The following WIF1 variants were observed in gnomAD, a reference collection of about 807,000 sequenced individuals.
WIF1 encodes Wnt inhibitory factor 1.
A neutral mutation model predicts 53.5 loss-of-function variants in WIF1; 35 were observed. The observed-to-expected ratio is 0.65, with a 90% CI of 0.50 to 0.87. WIF1 has a LOEUF of 0.87. Ranked by LOEUF, WIF1 falls within the 40% of genes least tolerant of loss-of-function variation. The pLI, the probability that WIF1 is intolerant of heterozygous loss-of-function variation, is 0.00. For synonymous variants in WIF1, 171 were observed against 170.4 expected (o/e 1.00, Z -0.03); for missense variants, 467 against 476.8 (o/e 0.98, Z 0.19).
intron 8 of WIF1, 126 bp from the exon 9 acceptor site, chr12:65,055,339 T>A: frequency 1.0e-6 from 1 of 983,200 alleles, no homozygotes. Context: ...TTTTTTTTCC[T>A]AAGTCAGTCT....
intron 6 of WIF1, among the ~76,000 whole-genome samples, chr12:65,063,583 C>T (rs1277818620): frequency 6.6e-6 from 1 of 151,986 alleles, no homozygotes; most frequent in Non-Finnish European, 1.5e-5. Context: ...AAAAAAAAGT[C>T]CACAAAGCAA....
chr12:65,108,259 GAC>G (rs771882354), intron 2 of WIF1, among the ~76,000 whole-genome samples: 1 of 152,200 alleles, frequency 6.6e-6, no homozygotes, highest in East Asian at 1.9e-4. Flanking sequence ...TTTGGTGTTA[GAC>G]AGGACCTGAA....
Position 65,121,241 on chromosome 12 carries a change from C to T in WIF1, c.-50G>A. On this transcript the variant is annotated 5_prime_UTR_variant, in exon 1 of 10. Coordinates refer to ENST00000286574, the MANE Select transcript of WIF1 (RefSeq NM_007191.5). The stretch of plus-strand genomic sequence containing the variant: ...GGGAAAACTCCTCGTGCCGCACCTA[C>T]GCAACCTGGCGCCGTCAGATACTCT... The T allele has an allele frequency of 7.2e-7, 1 of 1,384,780 alleles. No homozygotes were observed. Among genetic ancestry groups the T allele is most frequent in the Non-Finnish European group, 9.4e-7 (1 of 1,059,714 alleles). 85.8% of individuals were successfully genotyped at this position (1,384,780 alleles called of 1,614,324 possible). A position where few individuals can be genotyped will look rare whatever the true frequency, so the allele number is the denominator to read the frequency against.
intron 1 of WIF1, 79 bp from the exon 2 acceptor site, chr12:65,120,635 A>G (rs1195938943): frequency 2.6e-6 from 4 of 1,511,950 alleles, no homozygotes; most frequent in African/African-American, 1.4e-5. Context: ...CAAAAAGAAA[A>G]CCAAAGAATT....
At chr12:65,120,732 G>A (rs1883588527) in intron 1 of WIF1, 176 bp from the exon 2 acceptor site, 1 of 854,060 alleles carries the variant, frequency 1.2e-6, no homozygotes, top group East Asian at 2.7e-5. Flanking sequence ...TGATGAGAAT[G>A]ATGCCAACAG....
chr12:65,070,154 C>T lies in WIF1; in HGVS notation c.398-1250G>A, dbSNP rs533085330. Among the ~76,000 whole-genome samples, 88 of 152,262 alleles carry T rather than the reference C, an allele frequency of 5.8e-4. 2 individuals are homozygous for T. The South Asian group carries it at 0.017, about 29-fold the overall frequency. ...TGCACACAAGCTGGTCATACAATTT[C>T]TCAATGTGCTTTTGGCAACCCAAAA... On this transcript the variant is annotated intron_variant, in intron 3 of 9. Coordinates refer to ENST00000286574, the MANE Select transcript of WIF1 (RefSeq NM_007191.5).
intron 2 of WIF1, among the ~76,000 whole-genome samples, chr12:65,103,706 G>A (rs1286636151): frequency 6.6e-6 from 1 of 152,154 alleles, no homozygotes; most frequent in African/African-American, 2.4e-5. Context: ...GTGTAATATG[G>A]AGGTAAAATA....
intron 2 of WIF1, among the ~76,000 whole-genome samples, chr12:65,078,515 ACT>A (rs1186359241): frequency 6.6e-6 from 1 of 152,102 alleles, no homozygotes. Flanking sequence ...ATTCTTTAAT[ACT>A]CCTAATTCTA....
At chr12:65,097,384 C>T (rs1397112919) in intron 2 of WIF1, among the ~76,000 whole-genome samples, 1 of 152,096 alleles carries the variant, frequency 6.6e-6, no homozygotes, top group African/African-American at 2.4e-5. Flanking sequence ...TCCTACATGG[C>T]ATAGTTATAA....
At chr12:65,094,036 G>C (rs148810385) in intron 2 of WIF1, among the ~76,000 whole-genome samples, 2 of 152,068 alleles carry the variant, frequency 1.3e-5, no homozygotes, top group Non-Finnish European at 2.9e-5. Flanking sequence ...TTACAGTCTC[G>C]GCATTAGCTA....
chr12:65,082,836 TAATC>T lies in WIF1; in HGVS notation c.289-4986_289-4983del, dbSNP rs370096675. On this transcript the variant is annotated intron_variant, in intron 2 of 9. Coordinates refer to ENST00000286574, the MANE Select transcript of WIF1 (RefSeq NM_007191.5). ...AAGTTCTGTGTTTATGGTGTGTACTTAATCTAATAAGCACAATAATTGTAGGAGC... is the reference window on the plus strand; with the variant it reads ...AAGTTCTGTGTTTATGGTGTGTACTTTAATAAGCACAATAATTGTAGGAGC... Among the ~76,000 whole-genome samples, 697 of 152,282 alleles carry T rather than the reference TAATC, an allele frequency of 4.6e-3. 2 individuals carry two copies. The highest frequency in any genetic ancestry group is 0.016 in the African/African-American group (654 of 41,562).
At position 65,068,776 on chromosome 12, in the gene WIF1, T is replaced by A; in HGVS notation, c.526A>T (p.Thr176Ser). The A allele has an allele frequency of 1.9e-6, 3 of 1,613,464 alleles. No homozygotes were observed. Among genetic ancestry groups the A allele is most frequent in the Non-Finnish European group, 2.5e-6 (3 of 1,179,622 alleles). The change falls in exon 4 of 10, where the codon ACA becomes TCA. Residue 176 changes from threonine to serine, a missense_variant. Physicochemically the swap from Thr to Ser is moderately conservative, Grantham distance 58. Coordinates refer to ENST00000286574, the MANE Select transcript of WIF1 (RefSeq NM_007191.5). ...CATCGGTGCTTACCTTGTTGACATG[T>A]TTTAAAGAAGATAGCATTTTGAGGT... ...QTPQNAIFFK[T>S]CQQAECPGGC...
chr12:65,121,097 T>G lies in WIF1; in HGVS notation c.95A>C (p.Gln32Pro). ...GATCCATAGGTACAGGCTCTCCTCC[T>G]GCGGCGGCCCGGCCTCCGCCCGCAG... ...LALRAEAGPP[Q>P]EESLYLWIDA... is the part of the protein sequence containing the mutation. The change falls in exon 1 of 10, where the codon CAG becomes CCG. Residue 32 changes from glutamine to proline, a missense_variant. Transcript: ENST00000286574. 2 of 1,545,854 alleles carry G rather than the reference T, an allele frequency of 1.3e-6. No individual in the cohort carries two copies. The highest frequency in any genetic ancestry group is 1.7e-6 in the Non-Finnish European group (2 of 1,144,240).
Position 65,121,090 on chromosome 12 carries a change from C to G in WIF1, c.102G>C (p.Glu34Asp). 2 of 1,545,648 alleles carry G rather than the reference C, an allele frequency of 1.3e-6. No homozygotes were observed. Among genetic ancestry groups the G allele is most frequent in the Non-Finnish European group, 1.7e-6 (2 of 1,144,082 alleles). ...LRAEAGPPQE[E>D]SLYLWIDAHQ... ...GAGCATCGATCCATAGGTACAGGCT[C>G]TCCTCCTGCGGCGGCCCGGCCTCCG... The change falls in exon 1 of 10, where the codon GAG (glutamate) becomes GAC (aspartate). Residue 34 changes from glutamate to aspartate, a missense_variant. Physicochemically the swap from Glu to Asp is conservative, Grantham distance 45 (BLOSUM62 2). Coordinates refer to ENST00000286574, the MANE Select transcript of WIF1 (RefSeq NM_007191.5).
chr12:65,069,612 T>G (rs566764826), intron 3 of WIF1, among the ~76,000 whole-genome samples: 1 of 152,308 alleles, frequency 6.6e-6, no homozygotes, highest in Non-Finnish European at 1.5e-5. Flanking sequence ...AATAGGGTTA[T>G]ATCTAATGGT....
intron 2 of WIF1, among the ~76,000 whole-genome samples, chr12:65,089,004 T>C (rs1003184259): frequency 6.6e-6 from 1 of 152,172 alleles, no homozygotes. Flanking sequence ...TTCTGGCTTA[T>C]GCTCTCATTT....
chr12:65,068,649 ATGTGTGTGTGTGTGTGTGTGTGTGTG>A, intron 4 of WIF1, 89 bp downstream of exon 4: 1 of 1,004,136 alleles, frequency 1.0e-6, no homozygotes, highest in Non-Finnish European at 1.4e-6. Flanking sequence ...CCAAAAAACC[ATGTGTGTGTGTGTGTGTGTGTGTGTG>A]TGTGTGTGTG....
At chr12:65,118,168 A>T (rs1484640660) in intron 2 of WIF1, among the ~76,000 whole-genome samples, 1 of 152,244 alleles carries the variant, frequency 6.6e-6, no homozygotes, top group Admixed American at 6.5e-5. Context: ...GTATTGTTGA[A>T]ATGCCTAAAT....
At chr12:65,106,650 A>G (rs1267990048) in intron 2 of WIF1, among the ~76,000 whole-genome samples, 11 of 152,158 alleles carry the variant, frequency 7.2e-5, no homozygotes, top group Non-Finnish European at 1.5e-4. Flanking sequence ...CCATCCCAAA[A>G]ATATTTTTTA....
Sources: gnomAD v4.1 joint callset for allele counts (sites outside exome capture counted in the v4.1 genomes callset) on GRCh38, gnomAD v4.1.1 for gene constraint, MANE v1.5 for transcripts, NCBI Gene and HGNC (gene_info 2026-07-23, HGNC 2026-07-21) for gene names.